CEP128: variants seen among roughly 807,000 people sequenced by gnomAD.
CEP128 encodes centrosomal protein 128, also known as centrosomal protein 128kDa.
Under a neutral mutation model 156.7 loss-of-function variants are expected in CEP128, and 132 were observed. That is an observed-to-expected ratio of 0.84 (90% CI 0.73 to 0.97). The LOEUF (loss-of-function observed/expected upper bound fraction) is 0.97, where lower values mean the gene tolerates loss of function less well. Among genes scored for constraint, CEP128 ranks in the 50% least tolerant of loss-of-function variants. The pLI, the probability that CEP128 is intolerant of heterozygous loss-of-function variation, is 0.00. For synonymous variants in CEP128, 469 were observed against 448.9 expected, an observed-to-expected ratio of 1.04 and a Z score of -0.57; for missense variants, 1,252 against 1,281.9, an observed-to-expected ratio of 0.98 and a Z score of 0.36.
chr14:80,727,634 G>A (rs1214050072), intron 19 of CEP128, among the ~76,000 whole-genome samples: 1 of 151,944 alleles, frequency 6.6e-6, no homozygotes, highest in Non-Finnish European at 1.5e-5. Flanking sequence ...ATCCAACAAA[G>A]GTCCAATATC....
intron 19 of CEP128, among the ~76,000 whole-genome samples, chr14:80,685,434 T>A (rs1212164667): frequency 6.6e-6 from 1 of 151,746 alleles, no homozygotes; most frequent in Non-Finnish European, 1.5e-5. Context: ...ACTGCTGAAA[T>A]AAATTACAGA....
At chr14:80,816,826 T>C (rs999272696) in intron 13 of CEP128, among the ~76,000 whole-genome samples, 2 of 151,862 alleles carry the variant, frequency 1.3e-5, no homozygotes, top group African/African-American at 2.4e-5. Flanking sequence ...AACAAAAAAA[T>C]CAAACAAAGA....
intron 19 of CEP128, among the ~76,000 whole-genome samples, chr14:80,671,256 G>C (rs745712780): frequency 6.6e-6 from 1 of 152,238 alleles, no homozygotes; most frequent in Admixed American, 6.5e-5. Flanking sequence ...AAAGCAAATA[G>C]ATTTATTAAA....
intron 19 of CEP128, 118 bp from the exon 20 acceptor site, chr14:80,580,541 T>A: frequency 1.6e-6 from 1 of 629,204 alleles, no homozygotes; most frequent in South Asian, 2.2e-5. Context: ...GAGAATTTAA[T>A]GTTTAAGTGT....
intron 18 of CEP128, among the ~76,000 whole-genome samples, chr14:80,753,176 T>C (rs1899477024): frequency 6.6e-6 from 1 of 152,178 alleles, no homozygotes; most frequent in Non-Finnish European, 1.5e-5. Context: ...TTTCAAAAAA[T>C]ATTTATTGAA....
At chr14:80,645,535 G>A (rs1894597085) in intron 19 of CEP128, among the ~76,000 whole-genome samples, 1 of 151,998 alleles carries the variant, frequency 6.6e-6, no homozygotes, top group South Asian at 2.1e-4. Context: ...TACGTAAAAT[G>A]GAAAGGAATT....
intron 2 of CEP128, among the ~76,000 whole-genome samples, chr14:80,921,157 T>C (rs1884836475): frequency 1.3e-5 from 2 of 152,218 alleles, no homozygotes; most frequent in Admixed American, 6.5e-5. Context: ...TATCTGTATG[T>C]GTATATAAAT....
At chr14:80,833,408 T>TATAC (rs974536128) in intron 12 of CEP128, among the ~76,000 whole-genome samples, 10 of 151,940 alleles carry the variant, frequency 6.6e-5, no homozygotes, top group African/African-American at 2.2e-4. Flanking sequence ...CACACACATC[T>TATAC]ATACATACAT....
chr14:80,537,682 C>T (rs755694), intron 21 of CEP128, among the ~76,000 whole-genome samples: 57,368 of 151,686 alleles, frequency 0.38, 11,163 homozygotes, highest in East Asian at 0.49. Context: ...AAAAACAATT[C>T]TTTTTAAGTG....
At chr14:80,579,665 A>G (rs1891505498) in intron 20 of CEP128, among the ~76,000 whole-genome samples, 1 of 152,174 alleles carries the variant, frequency 6.6e-6, no homozygotes, top group Admixed American at 6.5e-5. Flanking sequence ...TAAATGTCCA[A>G]AGTATTTACT....
At chr14:80,852,875 T>A (rs755415235) in intron 9 of CEP128, among the ~76,000 whole-genome samples, 1 of 151,586 alleles carries the variant, frequency 6.6e-6, no homozygotes, top group Non-Finnish European at 1.5e-5. Context: ...CTAATCTCAA[T>A]CATAAACACA....
intron 19 of CEP128, among the ~76,000 whole-genome samples, chr14:80,703,788 T>G (rs1897149521): frequency 6.6e-6 from 1 of 152,106 alleles, no homozygotes; most frequent in African/African-American, 2.4e-5. Flanking sequence ...CACTTGTGTG[T>G]GTGTATATGT....
intron 20 of CEP128, among the ~76,000 whole-genome samples, chr14:80,571,978 C>T (rs375062531): frequency 6.6e-6 from 1 of 152,096 alleles, no homozygotes; most frequent in Non-Finnish European, 1.5e-5. Flanking sequence ...AGGATTGTTG[C>T]GAGTAATAAT....
rs192060606 is a variant in CEP128 at position 80,604,235 on chromosome 14, C to T, written c.2807-23812G>A. 6.2e-4 allele frequency among the ~76,000 whole-genome samples: 95 copies of T among 152,214 alleles called. 1 individual carries two copies. Among genetic ancestry groups the T allele is most frequent in the East Asian group, 5.8e-3 (30 of 5,170 alleles). Reference sequence around the variant, plus strand: ...ACATCCTCTGACTTTGAACTGCTTACAGAAATAGATTCCACCTGTGTTGAT... The same window carrying T: ...ACATCCTCTGACTTTGAACTGCTTATAGAAATAGATTCCACCTGTGTTGAT... On this transcript the variant is annotated intron_variant, in intron 19 of 24. Transcript: ENST00000555265.
At chr14:80,839,524 A>G (rs1886250084) in intron 10 of CEP128, among the ~76,000 whole-genome samples, 2 of 151,948 alleles carry the variant, frequency 1.3e-5, no homozygotes, top group African/African-American at 4.8e-5. Flanking sequence ...CACACACACA[A>G]ATACAAATGA....
At chr14:80,701,544 A>C (rs1445310727) in intron 19 of CEP128, among the ~76,000 whole-genome samples, 2 of 152,162 alleles carry the variant, frequency 1.3e-5, no homozygotes, top group East Asian at 3.9e-4. Flanking sequence ...CTCCTGCCTC[A>C]AAGATGCATA....
At chr14:80,675,648 T>C (rs1352961653) in intron 19 of CEP128, among the ~76,000 whole-genome samples, 3 of 152,094 alleles carry the variant, frequency 2.0e-5, no homozygotes, top group Admixed American at 6.5e-5. Context: ...TAATCATAAG[T>C]AGGTTATATT....
chr14:80,481,135 A>T (rs147769339), intron 14 of CEP128, among the ~76,000 whole-genome samples: 1 of 152,142 alleles, frequency 6.6e-6, no homozygotes, highest in South Asian at 2.1e-4. Flanking sequence ...GTATTAGCCC[A>T]TTTTCATGCT....
At chr14:80,813,598 T>G (rs1163618281) in intron 13 of CEP128, among the ~76,000 whole-genome samples, 1 of 152,176 alleles carries the variant, frequency 6.6e-6, no homozygotes, top group African/African-American at 2.4e-5. Context: ...AGTAATACAC[T>G]AAAAATTACT....
Sources: allele counts gnomAD v4.1 joint callset (sites outside exome capture counted in the v4.1 genomes callset), GRCh38; gene constraint gnomAD v4.1.1; transcripts MANE v1.5; gene names NCBI Gene and HGNC (gene_info 2026-07-23, HGNC 2026-07-21).